The following DNAAF9 variants were observed in gnomAD, a reference collection of about 807,000 sequenced individuals.
DNAAF9 encodes dynein axonemal assembly factor 9.
Under a neutral mutation model 167.0 loss-of-function variants are expected in DNAAF9, and 90 were observed. The ratio of observed to expected loss-of-function variants is 0.54; its 90% CI spans 0.45 to 0.64. The LOEUF is 0.64. Ranked by LOEUF, DNAAF9 falls within the 30% of genes least tolerant of loss-of-function variation. The pLI is 0.00. For missense variants in DNAAF9, 1,315 were observed against 1,442.2 expected (o/e 0.91, Z 1.43); for synonymous variants, 491 against 508.8 (o/e 0.96, Z 0.47).
At chr20:3,399,453 C>T (rs1366275503) in intron 1 of DNAAF9, among the ~76,000 whole-genome samples, 5 of 152,114 alleles carry the variant, frequency 3.3e-5, no homozygotes, top group African/African-American at 1.2e-4. Context: ...TGCGATCCGC[C>T]CGCCTCGGCC....
At position 3,294,582 on chromosome 20, in the gene DNAAF9, C is replaced by T. The variant is rs2069029994; in HGVS notation, c.2066G>A (p.Gly689Glu). The T allele has an allele frequency of 1.9e-6, 3 of 1,613,828 alleles. No homozygotes were observed. Among genetic ancestry groups the T allele is most frequent in the Admixed American group, 1.7e-5 (1 of 60,004 alleles). ...KLFSALSQPA[G>E]EKRSSLKLLS... ...TAACTTTAGGGAACTCCGTTTCTCC[C>T]CAGCAGGCTGGCTCAGGGCACTGAA... Residue 689 changes from glycine to glutamate, a missense_variant, in exon 24 of 37, where the codon GGG becomes GAG. By Grantham distance (98) the Gly-to-Glu change is moderately conservative (BLOSUM62 -2). Transcript: ENST00000252032.
At chr20:3,340,434 CCCCCCA>C in intron 10 of DNAAF9, 64 bp downstream of exon 10, 1 of 184,746 alleles carries the variant, frequency 5.4e-6, no homozygotes, top group East Asian at 1.5e-4. Flanking sequence ...TTGTCTAGCT[CCCCCCA>C]CCCACCCCAC....
chr20:3,305,567 G>C (rs1163439041), intron 20 of DNAAF9, among the ~76,000 whole-genome samples: 2 of 152,226 alleles, frequency 1.3e-5, no homozygotes. Flanking sequence ...GGAATGACAA[G>C]AATAGCAAAG....
chr20:3,266,690 G>A (rs1346043145), intron 30 of DNAAF9, among the ~76,000 whole-genome samples: 1 of 151,716 alleles, frequency 6.6e-6, no homozygotes, highest in Non-Finnish European at 1.5e-5. Flanking sequence ...TGTTGGCCAG[G>A]ATGGTCTCGA....
At chr20:3,319,262 CAAAAAAAAAAAAAAAA>C (rs57727958) in intron 16 of DNAAF9, among the ~76,000 whole-genome samples, 1 of 41,566 alleles carries the variant, frequency 2.4e-5, no homozygotes, top group Non-Finnish European at 5.2e-5. Context: ...GACCCCGTCT[CAAAAAAAAAAAAAAAA>C]AAAAAAAAAA....
intron 1 of DNAAF9, among the ~76,000 whole-genome samples, chr20:3,394,588 T>C (rs2083872965): frequency 6.6e-6 from 1 of 152,220 alleles, no homozygotes; most frequent in Non-Finnish European, 1.5e-5. Flanking sequence ...AAAAAACATT[T>C]AGTTCTTTAT....
At chr20:3,319,001 TGAACCTGG>T (rs1285598029) in intron 16 of DNAAF9, among the ~76,000 whole-genome samples, 8 of 147,696 alleles carry the variant, frequency 5.4e-5, no homozygotes, top group African/African-American at 1.8e-4. Flanking sequence ...GAGAATTGCT[TGAACCTGG>T]GAGGTGGAGG....
chr20:3,274,128 C>A (rs1181521565), intron 29 of DNAAF9, among the ~76,000 whole-genome samples: 1 of 151,916 alleles, frequency 6.6e-6, no homozygotes, highest in Non-Finnish European at 1.5e-5. Flanking sequence ...AAACACAGGA[C>A]TTATATTCTT....
intron 11 of DNAAF9, 149 bp from the exon 12 acceptor site, chr20:3,330,831 G>GC (rs1327885265): frequency 1.8e-6 from 1 of 551,374 alleles, no homozygotes; most frequent in African/African-American, 2.2e-5. Flanking sequence ...TAGCTTTGTC[G>GC]CCCAGGCTGG....
chr20:3,322,351 A>C, intron 15 of DNAAF9, 89 bp from the exon 16 acceptor site: 3 of 1,032,344 alleles, frequency 2.9e-6, no homozygotes, highest in Non-Finnish European at 4.5e-6. Context: ...CTTGGCAATG[A>C]CAAGTCATAG....
intron 3 of DNAAF9, among the ~76,000 whole-genome samples, chr20:3,378,528 A>C (rs2083605716): frequency 6.6e-6 from 1 of 152,242 alleles, no homozygotes; most frequent in South Asian, 2.1e-4. Flanking sequence ...GGGATGGAGT[A>C]GAATATTAAA....
intron 28 of DNAAF9, among the ~76,000 whole-genome samples, chr20:3,281,396 A>G (rs767976448): frequency 1.1e-4 from 17 of 152,212 alleles, no homozygotes; most frequent in African/African-American, 3.4e-4. Flanking sequence ...CAGGTATTTC[A>G]TAAGTCCTTA....
intron 10 of DNAAF9, 148 bp from the exon 11 acceptor site, chr20:3,332,509 A>G (rs2069849870): frequency 2.0e-6 from 1 of 499,704 alleles, no homozygotes; most frequent in South Asian, 2.3e-5. Flanking sequence ...GATGGAGTGC[A>G]GTGGCGCAAT....
chr20:3,344,531 G>A (rs1427019002), intron 8 of DNAAF9, among the ~76,000 whole-genome samples: 2 of 151,074 alleles, frequency 1.3e-5, no homozygotes, highest in Middle Eastern at 3.4e-3. Flanking sequence ...ATAGTCTTCT[G>A]TTCATGGAAA....
At chr20:3,272,953 C>T (rs2068619489) in intron 29 of DNAAF9, among the ~76,000 whole-genome samples, 1 of 152,056 alleles carries the variant, frequency 6.6e-6, no homozygotes, top group African/African-American at 2.4e-5. Flanking sequence ...CTCCCGGCCT[C>T]CCGAGTAGCT....
At chr20:3,290,072 T>C in intron 26 of DNAAF9, 57 bp downstream of exon 26, 2 of 1,116,864 alleles carry the variant, frequency 1.8e-6, no homozygotes, top group Non-Finnish European at 2.8e-6. Context: ...TTCCAGTGCC[T>C]AGGCAGGCCC....
At chr20:3,310,114 C>T (rs984429089) in intron 20 of DNAAF9, among the ~76,000 whole-genome samples, 17 of 151,752 alleles carry the variant, frequency 1.1e-4, no homozygotes, top group Admixed American at 7.9e-4. Flanking sequence ...ATCGCTTAAA[C>T]CTGGGAGGCA....
At chr20:3,333,389 C>A (rs996162860) in intron 10 of DNAAF9, among the ~76,000 whole-genome samples, 2 of 152,108 alleles carry the variant, frequency 1.3e-5, no homozygotes, top group African/African-American at 4.8e-5. Context: ...TTAGTAAGTA[C>A]AATATACAAA....
intron 20 of DNAAF9, among the ~76,000 whole-genome samples, chr20:3,308,974 C>T (rs998847456): frequency 4.6e-5 from 7 of 152,102 alleles, no homozygotes; most frequent in Non-Finnish European, 8.8e-5. Flanking sequence ...CCCCTATTTC[C>T]TTCCAAAAGC....
Sources: gnomAD v4.1 joint callset for allele counts (sites outside exome capture counted in the v4.1 genomes callset) on GRCh38, gnomAD v4.1.1 for gene constraint, MANE v1.5 for transcripts, NCBI Gene and HGNC (gene_info 2026-07-23, HGNC 2026-07-21) for gene names.